DPP8: variants seen among roughly 807,000 people sequenced by gnomAD.
The protein encoded by DPP8 is dipeptidyl peptidase 8, also known as DPP VIII.
DPP8 carries 31 observed loss-of-function variants against 107.5 expected under a neutral mutation model. That is an observed-to-expected ratio of 0.29 (90% CI 0.22 to 0.39). The LOEUF (loss-of-function observed/expected upper bound fraction) is 0.39, where lower values mean the gene tolerates loss of function less well. Ranked by LOEUF, DPP8 falls within the 10% of genes least tolerant of loss-of-function variation. The probability of loss-of-function intolerance (pLI) is 1.00; values close to 1 mark genes in which losing one functional copy is unlikely to be tolerated. For synonymous variants in DPP8, 381 were observed against 356.6 expected (o/e 1.07, Z -0.77); for missense variants, 842 against 1,076.1 (o/e 0.78, Z 3.04).
In DPP8 at chr15:65,512,524, C is replaced by G; in HGVS notation, c.30G>C (p.Leu10=). The change falls in exon 2 of 20, where the codon CTG becomes CTC. Residue 10 remains leucine, a synonymous_variant. Coordinates refer to ENST00000300141, the MANE Select transcript of DPP8 (RefSeq NM_130434.5). MAAAMETEQ[L]GVEIFETADC... is the part of the protein sequence containing the mutation. ...CCGCAGTTTCAAATATCTCAACACC[C>G]AGCTGTTCTGTTTCCATTGCTGCTG... 1 of 1,614,128 alleles carries G rather than the reference C, an allele frequency of 6.2e-7. No homozygotes were observed. The highest frequency in any genetic ancestry group is 8.5e-7 in the Non-Finnish European group (1 of 1,180,028).
rs529071628 is a variant in DPP8, at chr15:65,444,449, G to A, written c.*2435C>T. 2.4e-4 allele frequency: 36 copies of A among 152,220 alleles called. No homozygotes were observed. The highest frequency in any genetic ancestry group is 8.2e-4 in the African/African-American group (34 of 41,528). The allele number at this position is 152,220 out of a possible 1,614,324, so 9.4% of individuals were successfully genotyped here. A position where few individuals can be genotyped will look rare whatever the true frequency, so the allele number is the denominator to read the frequency against. On this transcript the variant is annotated 3_prime_UTR_variant, in exon 20 of 20. Coordinates refer to ENST00000300141, the MANE Select transcript of DPP8 (RefSeq NM_130434.5). ...GTTGCTACTTTTATATATTCTTGCC[G>A]TTTAAGCTGTTACCCATACTCAGGG...
At chr15:65,470,919 C>CAAAAAA (rs773144225) in intron 12 of DPP8, among the ~76,000 whole-genome samples, 3 of 110,768 alleles carry the variant, frequency 2.7e-5, no homozygotes, top group African/African-American at 1.0e-4. Context: ...ACTCTTATCT[C>CAAAAAA]AAAAAAAAAA....
chr15:65,516,153 ATTTT>A (rs973266086), intron 1 of DPP8: 1 of 197,058 alleles, frequency 5.1e-6, no homozygotes, highest in Admixed American at 6.0e-5. Flanking sequence ...AATAAAATTT[ATTTT>A]TATGTGCCTA....
intron 19 of DPP8, chr15:65,450,742 C>G (rs1300678464): frequency 1.0e-5 from 3 of 301,494 alleles, no homozygotes; most frequent in East Asian, 1.3e-4. Flanking sequence ...TTCCTGTCAT[C>G]TTTTCCATGC....
At chr15:65,459,954 CA>C (rs909374008) in intron 15 of DPP8, among the ~76,000 whole-genome samples, 111 of 130,652 alleles carry the variant, frequency 8.5e-4, no homozygotes, top group Middle Eastern at 4.1e-3. Context: ...GACTCCATCT[CA>C]AAAAAAAAAA....
intron 6 of DPP8, among the ~76,000 whole-genome samples, chr15:65,489,247 C>T (rs1398092050): frequency 2.0e-5 from 3 of 151,992 alleles, no homozygotes; most frequent in African/African-American, 7.3e-5. Flanking sequence ...GCGTGAGTCA[C>T]TGCGCCCAGC....
intron 2 of DPP8, among the ~76,000 whole-genome samples, chr15:65,508,181 A>G (rs1437845932): frequency 1.3e-5 from 2 of 151,522 alleles, no homozygotes; most frequent in Non-Finnish European, 2.9e-5. Flanking sequence ...CGGAGATTGC[A>G]GTGAGCCGAG....
intron 12 of DPP8, among the ~76,000 whole-genome samples, chr15:65,468,124 C>A (rs2065521786): frequency 6.6e-6 from 1 of 152,146 alleles, no homozygotes; most frequent in African/African-American, 2.4e-5. Context: ...ATATTCTTCT[C>A]AAATTACAGC....
At chr15:65,509,675 G>C (rs2070506597) in intron 2 of DPP8, among the ~76,000 whole-genome samples, 1 of 152,172 alleles carries the variant, frequency 6.6e-6, no homozygotes, top group South Asian at 2.1e-4. Context: ...CTTCTTCTAA[G>C]CATACCACGT....
intron 11 of DPP8, chr15:65,475,612 T>G: frequency 1.0e-6 from 1 of 981,682 alleles, no homozygotes; most frequent in Non-Finnish European, 1.6e-6. Flanking sequence ...TATCAGCTAT[T>G]TCAACAAGGC....
chr15:65,504,067 TAAAAA>T (rs940653849), intron 3 of DPP8, among the ~76,000 whole-genome samples: 1 of 151,492 alleles, frequency 6.6e-6, no homozygotes, highest in African/African-American at 2.4e-5. Flanking sequence ...TGGCCCTTTT[TAAAAA>T]AAATTGCGGG....
chr15:65,490,767 A>C (rs1293315907), intron 5 of DPP8, among the ~76,000 whole-genome samples: 3 of 152,126 alleles, frequency 2.0e-5, no homozygotes, highest in African/African-American at 7.2e-5. Context: ...CATCTCATTC[A>C]GTTGGAGCAG....
chr15:65,456,315 T>C lies in DPP8; in HGVS notation c.2028A>G (p.Leu676=). 1.2e-6 allele frequency: 2 copies of C among 1,614,092 alleles called. No individual in the cohort carries two copies. Among genetic ancestry groups the C allele is most frequent in the Non-Finnish European group, 1.7e-6 (2 of 1,179,998 alleles). The stretch of plus-strand genomic sequence containing the variant: ...CTACAACCACATAACCTAGAGAGGC[T>C]AGGGTATTCAAGCGGAAATACTTGA... The part of the protein sequence containing the change: ...KGVKYFRLNT[L]ASLGYVVVVI... Residue 676 remains leucine, a synonymous_variant, in exon 16 of 20, where the codon CTA becomes CTG. Coordinates refer to ENST00000300141, the MANE Select transcript of DPP8 (RefSeq NM_130434.5).
intron 12 of DPP8, among the ~76,000 whole-genome samples, chr15:65,472,728 A>G (rs2066002631): frequency 6.6e-6 from 1 of 152,134 alleles, no homozygotes. Flanking sequence ...CTCATCAAGG[A>G]GCAATAATAC....
rs138597483 is a variant in DPP8 at position 65,485,140 on chromosome 15, T to C, written c.976A>G (p.Thr326Ala). The change falls in exon 8 of 20, where the codon ACT becomes GCT. Residue 326 changes from threonine to alanine, a missense_variant. Transcript: ENST00000300141. ...PKTGTANPKV[T>A]FKMSEIMIDA... ...ATCATTATTTCTGACATCTTAAAAG[T>C]GACTTTAGGATTTGCTGTACCTTTA... is the stretch of plus-strand genomic sequence containing the variant. 64 of 1,608,838 alleles carry C rather than the reference T, an allele frequency of 4.0e-5. No homozygotes were observed. In the African/African-American group the frequency reaches 7.2e-4, roughly 18 times the overall value.
intron 8 of DPP8, 83 bp from the exon 9 acceptor site, chr15:65,481,698 C>T: frequency 1.2e-6 from 1 of 849,018 alleles, no homozygotes; most frequent in Non-Finnish European, 1.8e-6. Flanking sequence ...AACAATTTAT[C>T]CAAAAAGCAG....
At chr15:65,450,245 G>C (rs143702278) in intron 19 of DPP8, among the ~76,000 whole-genome samples, 6 of 152,284 alleles carry the variant, frequency 3.9e-5, no homozygotes, top group African/African-American at 1.4e-4. Flanking sequence ...TGGGATTACA[G>C]GTATGAGCCA....
intron 12 of DPP8, among the ~76,000 whole-genome samples, chr15:65,467,744 T>C (rs1487047699): frequency 2.0e-5 from 3 of 152,224 alleles, no homozygotes; most frequent in African/African-American, 7.2e-5. Flanking sequence ...TTACACACTG[T>C]ATAGTTTCCC....
chr15:65,511,996 G>C lies in DPP8; in HGVS notation c.259+299C>G, dbSNP rs1478807769. 5.9e-6 allele frequency: 3 copies of C among 505,202 alleles called. No homozygotes were observed. In the Admixed American group the frequency reaches 7.5e-5, roughly 13 times the overall value. The allele number at this position is 505,202 out of a possible 1,614,324, so 31.3% of individuals were successfully genotyped here. On this transcript the variant is annotated intron_variant, in intron 2 of 19. Transcript: ENST00000300141. ...GAACAAACTAATGGTTTTATTGTTT[G>C]TTTTCCTAATCAGACCATCTAAAGA... is the stretch of plus-strand genomic sequence containing the variant.
Sources: allele counts gnomAD v4.1 joint callset (sites outside exome capture counted in the v4.1 genomes callset), GRCh38; gene constraint gnomAD v4.1.1; transcripts MANE v1.5; gene names NCBI Gene and HGNC (gene_info 2026-07-23, HGNC 2026-07-21).